MTCL2: variants seen among roughly 807,000 people sequenced by gnomAD.
The protein encoded by MTCL2 is microtubule cross-linking factor 2.
chr20:36,831,696 T>C, the MTCL2 span, among the ~76,000 whole-genome samples: 1 of 152,088 alleles, frequency 6.6e-6, no homozygotes, highest in Non-Finnish European at 1.5e-5. Context: ...CCCATGAGGC[T>C]CCTCCCACAG....
At chr20:36,863,175 C>A in the MTCL2 span, 1 of 1,312,800 alleles carries the variant, frequency 7.6e-7, no homozygotes, top group East Asian at 3.3e-5. This position sits in a 1 kb window ranked among gnomAD's most constrained non-coding sequence, Gnocchi z 6.2. Flanking sequence ...GACTGCTGAG[C>A]CCGGGCCTGG....
chr20:36,856,612 C>T, the MTCL2 span, among the ~76,000 whole-genome samples: 2 of 152,216 alleles, frequency 1.3e-5, no homozygotes, highest in Non-Finnish European at 2.9e-5. Flanking sequence ...GTAGCTTCTT[C>T]TGACTTCAAG....
chr20:36,852,930 G>A, the MTCL2 span, among the ~76,000 whole-genome samples: 859 of 152,114 alleles, frequency 5.6e-3, 9 homozygotes, highest in African/African-American at 0.019. Flanking sequence ...GATGGCACAT[G>A]CCTGTAGTCC....
the MTCL2 span, among the ~76,000 whole-genome samples, chr20:36,812,251 C>T: frequency 2.6e-5 from 4 of 152,236 alleles, 1 homozygote; most frequent in South Asian, 8.3e-4. Flanking sequence ...TGTATTTAAT[C>T]CTTTCAACAA....
chr20:36,801,548 T>TAA, the MTCL2 span, among the ~76,000 whole-genome samples: 1 of 122,240 alleles, frequency 8.2e-6, no homozygotes, highest in Non-Finnish European at 1.8e-5. Context: ...TCATCTCTCA[T>TAA]AAAAAAAAAA....
At chr20:36,813,539 G>A in the MTCL2 span, among the ~76,000 whole-genome samples, 9 of 151,472 alleles carry the variant, frequency 5.9e-5, no homozygotes, top group Non-Finnish European at 8.8e-5. Flanking sequence ...TTCAAGACCA[G>A]CCTGGCCAAC....
chr20:36,842,667 G>A, the MTCL2 span, among the ~76,000 whole-genome samples: 1 of 152,200 alleles, frequency 6.6e-6, no homozygotes, highest in African/African-American at 2.4e-5. Context: ...AGCTACTCGG[G>A]AGGCTGAAGC....
At chr20:36,794,623 G>C in the MTCL2 span, 2 of 1,613,912 alleles carry the variant, frequency 1.2e-6, no homozygotes, top group Non-Finnish European at 1.7e-6. The surrounding 1 kb of genome is among the most constrained non-coding windows in gnomAD (Gnocchi z 5.4). Flanking sequence ...AGGAGGAAAC[G>C]TCGTTATTAG....
chr20:36,803,191 C>T, the MTCL2 span: 160 of 1,482,826 alleles, frequency 1.1e-4, no homozygotes, highest in Non-Finnish European at 1.1e-4. Context: ...TGGGTGCCAG[C>T]GGGGAAAAGG....
the MTCL2 span, among the ~76,000 whole-genome samples, chr20:36,856,855 T>C: frequency 5.3e-5 from 8 of 151,976 alleles, no homozygotes; most frequent in Non-Finnish European, 8.8e-5. Flanking sequence ...TGTGTGTGTG[T>C]GTGCGTGCGC....
chr20:36,788,046 C>CA, the MTCL2 span, among the ~76,000 whole-genome samples: 3 of 151,364 alleles, frequency 2.0e-5, no homozygotes, highest in South Asian at 6.3e-4. Flanking sequence ...ACTCAAAATA[C>CA]AAAAATTACC....
chr20:36,815,881 C>G, the MTCL2 span: 1 of 1,609,286 alleles, frequency 6.2e-7, no homozygotes, highest in Non-Finnish European at 8.5e-7. The surrounding 1 kb of genome is among the most constrained non-coding windows in gnomAD (Gnocchi z 5.3). Flanking sequence ...TCGGCCTCCT[C>G]TTCGACAAAC....
the MTCL2 span, chr20:36,812,717 G>A: frequency 3.7e-5 from 59 of 1,613,882 alleles, no homozygotes; most frequent in Non-Finnish European, 4.8e-5. Flanking sequence ...AGAGGCATAG[G>A]AATCATTGTC....
chr20:36,822,600 C>T, the MTCL2 span, among the ~76,000 whole-genome samples: 2 of 152,194 alleles, frequency 1.3e-5, no homozygotes, highest in Non-Finnish European at 2.9e-5. Context: ...CACCTTCCTG[C>T]CCCACTTTGG....
At chr20:36,842,389 C>G in the MTCL2 span, among the ~76,000 whole-genome samples, 1 of 152,220 alleles carries the variant, frequency 6.6e-6, no homozygotes, top group Non-Finnish European at 1.5e-5. Context: ...ATTATTATGT[C>G]TCATACAAAT....
At chr20:36,812,665 C>T in the MTCL2 span, 6 of 1,607,358 alleles carry the variant, frequency 3.7e-6, no homozygotes, top group Non-Finnish European at 3.4e-6. Context: ...AGTCACTCTC[C>T]TCCTACCCAA....
the MTCL2 span, chr20:36,812,869 C>T: frequency 1.2e-6 from 2 of 1,604,784 alleles, no homozygotes; most frequent in Non-Finnish European, 8.5e-7. Flanking sequence ...ACAGGCAGAA[C>T]AAACCAAAGA....
the MTCL2 span, among the ~76,000 whole-genome samples, chr20:36,823,005 C>T: frequency 3.3e-5 from 5 of 152,192 alleles, no homozygotes; most frequent in Admixed American, 6.5e-5. Context: ...GTGATCCACC[C>T]GCCTTGACCT....
chr20:36,815,191 G>C, the MTCL2 span: 54 of 1,613,740 alleles, frequency 3.3e-5, no homozygotes, highest in Admixed American at 1.2e-4. This position sits in a 1 kb window ranked among gnomAD's most constrained non-coding sequence, Gnocchi z 5.3. Flanking sequence ...GAGCCCAAGG[G>C]GGGCAGTGAT....
Sources: allele counts gnomAD v4.1 joint callset (sites outside exome capture counted in the v4.1 genomes callset), GRCh38; gene constraint gnomAD v4.1.1; non-coding constraint Gnocchi (gnomAD v3.1); transcripts MANE v1.5; gene names NCBI Gene and HGNC (gene_info 2026-07-23, HGNC 2026-07-21).